The following DGAT2L6 variants were observed in gnomAD, a reference collection of about 807,000 sequenced individuals.
DGAT2L6 encodes diacylglycerol O-acyltransferase 2-like protein 6.
Under a neutral mutation model 25.5 loss-of-function variants are expected in DGAT2L6, and 22 were observed. That is an observed-to-expected ratio of 0.86 (90% CI 0.62 to 1.23). DGAT2L6 has a LOEUF of 1.23. Among genes scored for constraint, DGAT2L6 ranks in the 50% most tolerant of loss-of-function variants. DGAT2L6 has a pLI of 0.00. For missense variants in DGAT2L6, 287 were observed against 253.2 expected, an observed-to-expected ratio of 1.13 and a Z score of -0.91; for synonymous variants, 100 against 94.7, an observed-to-expected ratio of 1.06 and a Z score of -0.32.
chrX:70,201,948 C>G lies in DGAT2L6; in HGVS notation c.531C>G (p.Gly177=). 1 of 1,209,166 alleles carries G rather than the reference C, an allele frequency of 8.3e-7. No individual in the cohort carries two copies. The highest frequency in any genetic ancestry group is 1.1e-6 in the Non-Finnish European group (1 of 894,332). ...ACTTGCTGACCCAGAAAGGCTCAGGCAATGCCGTGGTTATTGTGGTGGGTG... is the reference window on the plus strand; with the variant it reads ...ACTTGCTGACCCAGAAAGGCTCAGGGAATGCCGTGGTTATTGTGGTGGGTG... The part of the protein sequence containing the change: ...LKYLLTQKGS[G]NAVVIVVGGA... Residue 177 remains glycine, a synonymous_variant, in exon 5 of 7, where the codon GGC becomes GGG. Coordinates refer to ENST00000333026, the MANE Select transcript of DGAT2L6 (RefSeq NM_198512.3).
chrX:70,179,598 A>C (rs2085337099), intron 1 of DGAT2L6, among the ~76,000 whole-genome samples: 1 of 73,888 alleles, frequency 1.4e-5, no homozygotes, highest in Non-Finnish European at 2.3e-5. Flanking sequence ...ATGGAGTTTC[A>C]CTCTTGTCGC....
chrX:70,188,552 G>GA (rs1277437510), intron 1 of DGAT2L6, among the ~76,000 whole-genome samples: 2 of 110,763 alleles, frequency 1.8e-5, no homozygotes, highest in East Asian at 5.7e-4. Context: ...ACATTTTACA[G>GA]AAAAAATATC....
intron 4 of DGAT2L6, 72 bp from the exon 5 acceptor site, chrX:70,201,818 G>A: frequency 9.7e-7 from 1 of 1,028,107 alleles, no homozygotes; most frequent in African/African-American, 2.0e-5. Flanking sequence ...CCAAAAGGAA[G>A]AGCCTGGGAA....
intron 4 of DGAT2L6, among the ~76,000 whole-genome samples, chrX:70,200,946 C>G (rs753087065): frequency 1.4e-3 from 151 of 111,834 alleles, no homozygotes; most frequent in Non-Finnish European, 2.4e-3. Context: ...TGACTTTTAT[C>G]TCCCTGGAAC....
intron 1 of DGAT2L6, among the ~76,000 whole-genome samples, chrX:70,187,790 T>A (rs1167445265): frequency 8.9e-6 from 1 of 111,959 alleles, no homozygotes; most frequent in Admixed American, 9.4e-5. Flanking sequence ...GGAAATAGAA[T>A]AATTTGAAAG....
In DGAT2L6 at chrX:70,177,582, C is replaced by T. The variant is rs2085330802; in HGVS notation, c.-1C>T. The T allele has an allele frequency of 8.3e-7, 1 of 1,210,179 alleles. No individual in the cohort carries two copies. Among genetic ancestry groups the T allele is most frequent in the East Asian group, 3.0e-5 (1 of 33,781 alleles). ...TGCCACAACAGAACAGCACCATAAC[C>T]ATGGCTTTCTTCTCCCGACTGAATC... is the stretch of plus-strand genomic sequence containing the variant. On this transcript the variant is annotated 5_prime_UTR_variant, in exon 1 of 7. Coordinates refer to ENST00000333026, the MANE Select transcript of DGAT2L6 (RefSeq NM_198512.3).
intron 1 of DGAT2L6, among the ~76,000 whole-genome samples, chrX:70,182,116 C>T (rs761505397): frequency 3.3e-4 from 37 of 110,978 alleles, no homozygotes; most frequent in African/African-American, 1.1e-3. Flanking sequence ...AAATGATGTT[C>T]AGAATCATAG....
intron 6 of DGAT2L6, among the ~76,000 whole-genome samples, 182 bp from the exon 7 acceptor site, chrX:70,204,770 T>G (rs1042746417): frequency 2.7e-5 from 3 of 111,691 alleles, no homozygotes; most frequent in African/African-American, 9.8e-5. Flanking sequence ...TGCATTCTCT[T>G]GAGCATGGGT....
At chrX:70,188,460 C>T (rs1184344348) in intron 1 of DGAT2L6, among the ~76,000 whole-genome samples, 1 of 111,721 alleles carries the variant, frequency 9.0e-6, no homozygotes, top group African/African-American at 3.3e-5. Flanking sequence ...TAACCCATCA[C>T]TATAATCTTA....
chrX:70,199,707 GC>G, intron 2 of DGAT2L6, 104 bp from the exon 3 acceptor site: 1 of 714,084 alleles, frequency 1.4e-6, no homozygotes, highest in Non-Finnish European at 2.1e-6. Context: ...TCAGAAGGAG[GC>G]CCCTCACGTG....
At chrX:70,183,997 G>A (rs749017289) in intron 1 of DGAT2L6, among the ~76,000 whole-genome samples, 49 of 111,282 alleles carry the variant, frequency 4.4e-4, no homozygotes, top group Non-Finnish European at 5.8e-4. Context: ...TTGTGATCAC[G>A]CTATTGCACT....
chrX:70,201,607 C>G (rs952873164), intron 4 of DGAT2L6, among the ~76,000 whole-genome samples: 11 of 110,334 alleles, frequency 1.0e-4, no homozygotes, highest in Non-Finnish European at 1.9e-4. Context: ...GGCTTAGATA[C>G]TATTGATCTG....
In DGAT2L6 at chrX:70,177,965, GA is replaced by G. The variant is rs372405174; in HGVS notation, c.85+311del. ...AACATTGTGAAATCTCGTCTCTACT[GA>G]AAAAAAAAAAAATACAAAAATTAGC... On this transcript the variant is annotated intron_variant, in intron 1 of 6. Transcript: ENST00000333026. Among the ~76,000 whole-genome samples the G allele has an allele frequency of 4.2e-3, 417 of 98,592 alleles. 1 individual carries two copies. Among genetic ancestry groups the G allele is most frequent in the African/African-American group, 0.011 (311 of 27,124 alleles). The allele number at this position is 98,592 out of a possible 115,157, so 85.6% of individuals were successfully genotyped here.
At chrX:70,196,751 T>C (rs1468978523) in intron 1 of DGAT2L6, among the ~76,000 whole-genome samples, 2 of 110,630 alleles carry the variant, frequency 1.8e-5, no homozygotes, top group Non-Finnish European at 3.8e-5. Context: ...AAATCACATA[T>C]CAGACAAAAA....
Position 70,177,546 on chromosome X carries a change from G to T in DGAT2L6, c.-37G>T. ...CAGCTTAAGAAGTTTTGACCTTCTG[G>T]TTAGGCTTCTTGCCACAACAGAACA... On this transcript the variant is annotated 5_prime_UTR_variant, in exon 1 of 7. Coordinates refer to ENST00000333026, the MANE Select transcript of DGAT2L6 (RefSeq NM_198512.3). The T allele has an allele frequency of 8.5e-7, 1 of 1,174,682 alleles. No homozygotes were observed. The highest frequency in any genetic ancestry group is 3.0e-5 in the East Asian group (1 of 33,439).
chrX:70,178,193 T>G (rs2085332806), intron 1 of DGAT2L6, among the ~76,000 whole-genome samples: 1 of 109,299 alleles, frequency 9.1e-6, no homozygotes, highest in African/African-American at 3.3e-5. Flanking sequence ...CCCTATGAAC[T>G]AGCTGAAAAG....
In DGAT2L6 at chrX:70,177,551, G is replaced by A. The variant is rs780638196; in HGVS notation, c.-32G>A. The A allele has an allele frequency of 1.7e-6, 2 of 1,187,461 alleles. No individual in the cohort carries two copies. Among genetic ancestry groups the A allele is most frequent in the Non-Finnish European group, 2.3e-6 (2 of 875,804 alleles). ...TAAGAAGTTTTGACCTTCTGGTTAG[G>A]CTTCTTGCCACAACAGAACAGCACC... On this transcript the variant is annotated 5_prime_UTR_variant, in exon 1 of 7. Transcript: ENST00000333026.
chrX:70,186,456 G>A (rs1415865934), intron 1 of DGAT2L6, among the ~76,000 whole-genome samples: 1 of 111,883 alleles, frequency 8.9e-6, no homozygotes, highest in African/African-American at 3.3e-5. Flanking sequence ...AAGTTGGAAA[G>A]AGAGTAATAA....
intron 1 of DGAT2L6, among the ~76,000 whole-genome samples, chrX:70,183,517 C>T (rs190883029): frequency 8.9e-6 from 1 of 112,295 alleles, no homozygotes; most frequent in Non-Finnish European, 1.9e-5. Flanking sequence ...GCCATTATAT[C>T]TTTGGTGCCC....
Sources: allele counts gnomAD v4.1 joint callset (sites outside exome capture counted in the v4.1 genomes callset), GRCh38; gene constraint gnomAD v4.1.1; transcripts MANE v1.5; gene names NCBI Gene and HGNC (gene_info 2026-07-23, HGNC 2026-07-21).